PKIB: variants seen among roughly 807,000 people sequenced by gnomAD.
The protein encoded by PKIB is cAMP-dependent protein kinase inhibitor beta.
Under a neutral mutation model 4.5 loss-of-function variants are expected in PKIB, and 2 were observed. The observed-to-expected ratio is 0.44, with a 90% CI of 0.18 to 1.39. PKIB has a LOEUF of 1.39. PKIB is among the 40% of genes most tolerant of loss of function. The pLI is 0.27. For synonymous variants in PKIB, 38 were observed against 36.0 expected, an observed-to-expected ratio of 1.06 and a Z score of -0.20; for missense variants, 94 against 92.6, an observed-to-expected ratio of 1.02 and a Z score of -0.06.
chr6:122,558,957 G>A (rs544996646), intron 2 of PKIB, among the ~76,000 whole-genome samples: 23 of 151,940 alleles, frequency 1.5e-4, no homozygotes, highest in Non-Finnish European at 2.2e-4. Context: ...ACGCCTTTGC[G>A]CCCTCACAGC....
At chr6:122,515,134 T>C (rs1312177179) in intron 2 of PKIB, among the ~76,000 whole-genome samples, 1 of 152,214 alleles carries the variant, frequency 6.6e-6, no homozygotes, top group Non-Finnish European at 1.5e-5. Context: ...CATTAACTCA[T>C]AAAATATTCA....
chr6:122,603,687 G>A (rs1774443521), intron 3 of PKIB, among the ~76,000 whole-genome samples: 1 of 152,080 alleles, frequency 6.6e-6, no homozygotes, highest in Non-Finnish European at 1.5e-5. Context: ...TGCCACGTTG[G>A]CCAGGCAGGT....
intron 2 of PKIB, among the ~76,000 whole-genome samples, chr6:122,499,762 GC>G (rs1325032584): frequency 2.6e-5 from 4 of 152,108 alleles, no homozygotes; most frequent in African/African-American, 7.2e-5. Context: ...AAAAGAAGAA[GC>G]CAAATTTCAT....
intron 2 of PKIB, among the ~76,000 whole-genome samples, chr6:122,572,743 GAA>G (rs748690115): frequency 1.5e-3 from 219 of 150,972 alleles, no homozygotes; most frequent in Non-Finnish European, 2.4e-3. Flanking sequence ...ACCAAGAAAA[GAA>G]GAGAGAACAT....
intron 4 of PKIB, among the ~76,000 whole-genome samples, chr6:122,723,468 CCT>C (rs1289423006): frequency 2.0e-5 from 3 of 152,078 alleles, no homozygotes; most frequent in African/African-American, 7.2e-5. Context: ...CCTTTTCTCC[CCT>C]CTTTTTCTCG....
chr6:122,555,408 G>C (rs1772808531), intron 2 of PKIB, among the ~76,000 whole-genome samples: 1 of 152,190 alleles, frequency 6.6e-6, no homozygotes, highest in Non-Finnish European at 1.5e-5. Flanking sequence ...AGTAATATTT[G>C]AAGGAGGTTT....
At chr6:122,717,672 A>G (rs1304803681) in intron 3 of PKIB, 115 bp from the exon 4 acceptor site, 18 of 983,046 alleles carry the variant, frequency 1.8e-5, no homozygotes, top group African/African-American at 4.8e-5. Context: ...GTTGTGATCA[A>G]TGATTAGACT....
At chr6:122,577,150 A>G (rs926075858) in intron 2 of PKIB, among the ~76,000 whole-genome samples, 1 of 152,212 alleles carries the variant, frequency 6.6e-6, no homozygotes. Context: ...CTGTGGGTAC[A>G]TAAATGTTGG....
chr6:122,497,728 A>C (rs1776116166), intron 2 of PKIB, among the ~76,000 whole-genome samples: 2 of 152,248 alleles, frequency 1.3e-5, no homozygotes, highest in Non-Finnish European at 2.9e-5. Flanking sequence ...AAGTACTTCC[A>C]GACCTATGAA....
chr6:122,670,264 G>A (rs2114941208), intron 2 of PKIB, among the ~76,000 whole-genome samples: 1 of 152,194 alleles, frequency 6.6e-6, no homozygotes, highest in South Asian at 2.1e-4. Flanking sequence ...AATACTATCT[G>A]TGGCTGTGTA....
intron 3 of PKIB, among the ~76,000 whole-genome samples, chr6:122,695,884 C>T (rs1019584608): frequency 6.6e-6 from 1 of 152,084 alleles, no homozygotes; most frequent in African/African-American, 2.4e-5. Context: ...TCTCTGACAT[C>T]TGTGGTAAAG....
At chr6:122,539,487 T>C in intron 2 of PKIB, among the ~76,000 whole-genome samples, 1 of 152,114 alleles carries the variant, frequency 6.6e-6, no homozygotes, top group Admixed American at 6.5e-5. Context: ...ATTATGTTTA[T>C]TGATTTGCAT....
chr6:122,636,103 A>G (rs1356276436), intron 2 of PKIB, among the ~76,000 whole-genome samples: 1 of 152,104 alleles, frequency 6.6e-6, no homozygotes, highest in African/African-American at 2.4e-5. Flanking sequence ...CTATCATTCT[A>G]TTTTACAAAT....
intron 2 of PKIB, among the ~76,000 whole-genome samples, chr6:122,538,662 G>T (rs571819677): frequency 1.3e-5 from 2 of 152,028 alleles, no homozygotes; most frequent in Non-Finnish European, 2.9e-5. Flanking sequence ...GGCAATGCAG[G>T]CTCTTTTTTG....
chr6:122,709,926 A>G (rs1195288071), intron 3 of PKIB, among the ~76,000 whole-genome samples: 5 of 152,194 alleles, frequency 3.3e-5, no homozygotes, highest in Non-Finnish European at 7.3e-5. Context: ...TGTATTTGCC[A>G]TTAGTCTACA....
intron 1 of PKIB, among the ~76,000 whole-genome samples, chr6:122,623,547 T>G (rs1436227990): frequency 6.6e-6 from 1 of 152,194 alleles, no homozygotes. Flanking sequence ...CTGTAACTGT[T>G]TGCCTACTGA....
chr6:122,639,712 G>A (rs2114845050), intron 2 of PKIB, among the ~76,000 whole-genome samples: 1 of 152,308 alleles, frequency 6.6e-6, no homozygotes, highest in Middle Eastern at 3.4e-3. Flanking sequence ...CTGTGTGATT[G>A]AGAAGGGAAA....
chr6:122,708,226 G>A (rs1018856748), intron 3 of PKIB, among the ~76,000 whole-genome samples: 3 of 152,270 alleles, frequency 2.0e-5, no homozygotes, highest in Non-Finnish European at 2.9e-5. Context: ...GGGATGAGAT[G>A]CAATTTTAAA....
intron 2 of PKIB, among the ~76,000 whole-genome samples, chr6:122,551,517 C>G (rs1262382763): frequency 1.3e-5 from 2 of 152,094 alleles, no homozygotes; most frequent in African/African-American, 2.4e-5. Flanking sequence ...TTTCTTCTCC[C>G]ACTAAGGTCT....
Sources: allele counts gnomAD v4.1 joint callset (sites outside exome capture counted in the v4.1 genomes callset), GRCh38; gene constraint gnomAD v4.1.1; transcripts MANE v1.5; gene names NCBI Gene and HGNC (gene_info 2026-07-23, HGNC 2026-07-21).